NR1D2: variants seen among roughly 807,000 people sequenced by gnomAD.
The protein encoded by NR1D2 is V-erbA-related protein 1-related.
NR1D2 carries 25 observed loss-of-function variants against 52.2 expected under a neutral mutation model. The ratio of observed to expected loss-of-function variants is 0.48; its 90% confidence interval spans 0.35 to 0.67. The LOEUF is 0.67. Among genes scored for constraint, NR1D2 ranks in the 30% least tolerant of loss-of-function variants. The probability of loss-of-function intolerance (pLI) is 0.01; values close to 1 mark genes in which losing one functional copy is unlikely to be tolerated. For missense variants in NR1D2, 681 were observed against 707.2 expected (o/e 0.96, Z 0.42); for synonymous variants, 259 against 230.1 (o/e 1.13, Z -1.14).
At chr3:23,969,490 T>C (rs1252913826) in intron 7 of NR1D2, among the ~76,000 whole-genome samples, 1 of 152,230 alleles carries the variant, frequency 6.6e-6, no homozygotes, top group African/African-American at 2.4e-5. Context: ...ATCTGTTTTA[T>C]AGCTAATTTA....
chr3:23,976,189 A>G (rs1314057093), intron 7 of NR1D2, among the ~76,000 whole-genome samples: 2 of 152,384 alleles, frequency 1.3e-5, no homozygotes, highest in Admixed American at 6.5e-5. Context: ...GACAAATTTA[A>G]TAAACACAAT....
At chr3:23,970,529 TTATCCATTTACC>T (rs1452537996) in intron 7 of NR1D2, among the ~76,000 whole-genome samples, 1 of 152,174 alleles carries the variant, frequency 6.6e-6, no homozygotes, top group Non-Finnish European at 1.5e-5. Flanking sequence ...TGGGGAGTCT[TTATCCATTTACC>T]TATCCATCTA....
intron 6 of NR1D2, among the ~76,000 whole-genome samples, chr3:23,965,568 A>C (rs1706421597): frequency 6.6e-6 from 1 of 151,952 alleles, no homozygotes; most frequent in African/African-American, 2.4e-5. Flanking sequence ...TTCTTTTCTA[A>C]GTCAGTATTT....
At chr3:23,947,776 T>C (rs373276063) in intron 1 of NR1D2, among the ~76,000 whole-genome samples, 4 of 151,770 alleles carry the variant, frequency 2.6e-5, no homozygotes, top group African/African-American at 9.7e-5. Context: ...TTACCCACCA[T>C]GTTTACAGTT....
intron 7 of NR1D2, among the ~76,000 whole-genome samples, chr3:23,977,005 A>C (rs1706743651): frequency 1.4e-5 from 1 of 71,340 alleles, no homozygotes; most frequent in Non-Finnish European, 3.3e-5. Context: ...ATTTTGATTG[A>C]TCAAATGTTT....
In NR1D2 at chr3:23,962,338, A is replaced by G. The variant is rs893490386; in HGVS notation, c.879A>G (p.Gln293=). 6.8e-6 allele frequency: 11 copies of G among 1,614,190 alleles called. No individual in the cohort carries two copies. The highest frequency in any genetic ancestry group is 1.1e-5 in the South Asian group (1 of 91,086). The change falls in exon 5 of 8, where the codon CAA becomes CAG. Residue 293 remains glutamine (Q), a synonymous_variant. Transcript: ENST00000312521. Reference sequence around the variant, plus strand: ...AACGGATTCCCAAGAACATGGAGCAATATAATTTAAATCATGATCATTGCG... The same window carrying G: ...AACGGATTCCCAAGAACATGGAGCAGTATAATTTAAATCATGATCATTGCG... ...RGERIPKNME[Q]YNLNHDHCGN... is the part of the protein sequence containing the mutation.
Position 23,954,744 on chromosome 3 carries a change from CTATGAAAACAA to C in NR1D2, c.225_235del (p.Met76GlnfsTer12). The C allele has an allele frequency of 6.2e-7, 1 of 1,614,024 alleles. No individual in the cohort carries two copies. The highest frequency in any genetic ancestry group is 8.5e-7 in the Non-Finnish European group (1 of 1,179,900). ...TTGAAGAATGATCGAATAGATTGTTCTATGAAAACAAGCAAATCGAGTGCACCTGGGATGAC... is the reference window on the plus strand; with the variant it reads ...TTGAAGAATGATCGAATAGATTGTTCGCAAATCGAGTGCACCTGGGATGAC... On this transcript the variant is annotated frameshift_variant, in exon 2 of 8. Coordinates refer to ENST00000312521, the MANE Select transcript of NR1D2 (RefSeq NM_005126.5). LOFTEE classifies it high-confidence loss of function.
At chr3:23,961,739 A>G (rs1311246489) in intron 4 of NR1D2, among the ~76,000 whole-genome samples, 1 of 152,092 alleles carries the variant, frequency 6.6e-6, no homozygotes, top group Non-Finnish European at 1.5e-5. Flanking sequence ...TAAAATACCT[A>G]GGAGGTAGAT....
chr3:23,962,077 C>G lies in NR1D2; in HGVS notation c.618C>G (p.His206Gln). ...KTMMNSQFSG[H>Q]LQNDTLVEHH... ...TGATGAACAGCCAGTTCAGTGGTCA[C>G]TTGCAAAATGACACATTAGTAGAAC... is the stretch of plus-strand genomic sequence containing the variant. The change falls in exon 5 of 8, where the codon CAC (histidine) becomes CAG (glutamine). Residue 206 changes from histidine to glutamine, a missense_variant. By Grantham distance (24) the His-to-Gln change is conservative. Transcript: ENST00000312521. 6.2e-7 allele frequency: 1 copy of G among 1,614,164 alleles called. No homozygotes were observed. The highest frequency in any genetic ancestry group is 1.1e-5 in the South Asian group (1 of 91,082).
At position 23,965,569 on chromosome 3, in the gene NR1D2, G is replaced by A. The variant is rs140022215; in HGVS notation, c.1332+407G>A. On this transcript the variant is annotated intron_variant, in intron 6 of 7. Transcript: ENST00000312521. ...GGCAGATGTTTTCATTCTTTTCTAA[G>A]TCAGTATTTATAGTCCAGAGTCTGA... Among the ~76,000 whole-genome samples the A allele has an allele frequency of 6.2e-4, 95 of 152,088 alleles. 1 individual carries two copies. The highest frequency in any genetic ancestry group is 2.2e-3 in the African/African-American group (93 of 41,504).
chr3:23,953,234 T>G (rs565281637), intron 1 of NR1D2, among the ~76,000 whole-genome samples: 1 of 149,642 alleles, frequency 6.7e-6, no homozygotes, highest in Non-Finnish European at 1.5e-5. Context: ...TCCCAGCTAT[T>G]CAGGAGGCTG....
At chr3:23,952,017 A>G (rs72627097) in intron 1 of NR1D2, among the ~76,000 whole-genome samples, 2,508 of 152,312 alleles carry the variant, frequency 0.016, 51 homozygotes, top group East Asian at 0.05. Flanking sequence ...GGCTTGTGGC[A>G]GTGTTCTTCA....
At position 23,953,644 on chromosome 3, in the gene NR1D2, T is replaced by G. The variant is rs532582488; in HGVS notation, c.17-893T>G. Among the ~76,000 whole-genome samples, 7 of 152,288 alleles carry G rather than the reference T, an allele frequency of 4.6e-5. No individual in the cohort carries two copies. In the East Asian group the frequency reaches 1.4e-3, roughly 29 times the overall value. ...TTAGTGGATAGCCACATATGTCTTC[T>G]GGGAACACCAAAACAGAAAGGTGTG... On this transcript the variant is annotated intron_variant, in intron 1 of 7. Transcript: ENST00000312521.
Position 23,967,797 on chromosome 3 carries a change from CT to C in NR1D2, c.1333-11del. On this transcript the variant is annotated splice_polypyrimidine_tract_variant and intron_variant, in intron 6 of 7. Coordinates refer to ENST00000312521, the MANE Select transcript of NR1D2 (RefSeq NM_005126.5). ...CTGTTAGACTTCTCCAAATACATTT[CT>C]TTTTCTTTTTCCAGGTTTTAATGGT... 6.3e-7 allele frequency: 1 copy of C among 1,598,990 alleles called. No homozygotes were observed. Among genetic ancestry groups the C allele is most frequent in the East Asian group, 2.2e-5 (1 of 44,684 alleles).
At chr3:23,946,551 G>T (rs1000951233) in intron 1 of NR1D2, 3 of 152,556 alleles carry the variant, frequency 2.0e-5, no homozygotes, top group Non-Finnish European at 4.4e-5. Flanking sequence ...TACACACACA[G>T]TCTTAAAAAC....
chr3:23,957,900 CAAT>C (rs1706129631), intron 3 of NR1D2, among the ~76,000 whole-genome samples: 1 of 152,102 alleles, frequency 6.6e-6, no homozygotes, highest in Non-Finnish European at 1.5e-5. Context: ...TATAGTATCA[CAAT>C]AATAAAATAT....
intron 2 of NR1D2, 34 bp downstream of exon 2, chr3:23,954,837 A>T (rs1056191286): frequency 1.2e-6 from 2 of 1,600,600 alleles, no homozygotes; most frequent in Non-Finnish European, 1.7e-6. Context: ...GATTGCTGCC[A>T]TTAATTGCAA....
At chr3:23,971,085 A>T (rs1706576402) in intron 7 of NR1D2, among the ~76,000 whole-genome samples, 1 of 150,356 alleles carries the variant, frequency 6.7e-6, no homozygotes, top group African/African-American at 2.4e-5. Context: ...CCGGCCAAAC[A>T]GCAGCATAAA....
chr3:23,952,484 C>T (rs556542998), intron 1 of NR1D2, among the ~76,000 whole-genome samples: 9 of 151,560 alleles, frequency 5.9e-5, no homozygotes, highest in Admixed American at 1.3e-4. Context: ...TGGAGGCGGG[C>T]GGATCATCTG....
Sources: gnomAD v4.1 joint callset for allele counts (sites outside exome capture counted in the v4.1 genomes callset) on GRCh38, gnomAD v4.1.1 for gene constraint, MANE v1.5 for transcripts, NCBI Gene and HGNC (gene_info 2026-07-23, HGNC 2026-07-21) for gene names.